Variants in CSMD1 observed in about 807,000 individuals in gnomAD.
CSMD1 encodes CUB and Sushi multiple domains 1.
CSMD1 carries 213 observed loss-of-function variants against 417.5 expected under a neutral mutation model. The ratio of observed to expected loss-of-function variants is 0.51; its 90% CI spans 0.46 to 0.57. The LOEUF (loss-of-function observed/expected upper bound fraction) is 0.57, where lower values mean the gene tolerates loss of function less well. CSMD1 is among the 20% of genes least tolerant of loss of function. CSMD1 has a pLI of 0.00. For missense variants in CSMD1, 6,923 were observed against 4,529.7 expected, an observed-to-expected ratio of 1.53 and a Z score of -15.17; for synonymous variants, 2,862 against 1,736.8, an observed-to-expected ratio of 1.65 and a Z score of -16.11.
rs147113316 is a variant in CSMD1, at chr8:3,367,127, G to T, written c.3020C>A (p.Thr1007Lys). ...GTTTCCAAACAGGCCTGCCTTGATC[G>T]TATGAGGCAACACCGACCCGGTGAG... is the stretch of plus-strand genomic sequence containing the variant. The part of the protein sequence containing the change: ...ARLTGSVLPH[T>K]IKAGLFGNFT... Residue 1007 changes from threonine to lysine, a missense_variant, in exon 20 of 70, where the codon ACG (threonine) becomes AAG (lysine). Physicochemically the swap from Thr to Lys is moderately conservative, Grantham distance 78. Transcript: ENST00000635120. 6.2e-7 allele frequency: 1 copy of T among 1,613,606 alleles called. No homozygotes were observed. The highest frequency in any genetic ancestry group is 1.3e-5 in the African/African-American group (1 of 74,934).
At chr8:3,339,309 C>A (rs1274727066) in intron 23 of CSMD1, among the ~76,000 whole-genome samples, 1 of 152,102 alleles carries the variant, frequency 6.6e-6, no homozygotes, top group African/African-American at 2.4e-5. Flanking sequence ...CTTCAAGCCT[C>A]TGTTTGCAGA....
chr8:3,537,419 C>A (rs114435426), intron 10 of CSMD1, among the ~76,000 whole-genome samples: 488 of 152,260 alleles, frequency 3.2e-3, no homozygotes, highest in African/African-American at 0.011. Context: ...AATACTACAC[C>A]TGTTGCATTC....
chr8:3,682,757 G>T (rs1218536104), intron 7 of CSMD1, among the ~76,000 whole-genome samples: 1 of 152,156 alleles, frequency 6.6e-6, no homozygotes, highest in Non-Finnish European at 1.5e-5. Flanking sequence ...GTTTATTGCG[G>T]CACTATTCAC....
intron 6 of CSMD1, among the ~76,000 whole-genome samples, chr8:3,724,510 T>C (rs950274229): frequency 2.0e-5 from 3 of 152,112 alleles, no homozygotes; most frequent in Admixed American, 6.6e-5. Flanking sequence ...TGAAGCTGTT[T>C]GGGATTTTCA....
intron 1 of CSMD1, among the ~76,000 whole-genome samples, chr8:4,739,768 G>C (rs549175559): frequency 6.6e-6 from 1 of 152,242 alleles, no homozygotes; most frequent in South Asian, 2.1e-4. Context: ...AGATTCTCCA[G>C]TCCCTCTCTT....
intron 12 of CSMD1, among the ~76,000 whole-genome samples, chr8:3,462,081 G>C (rs1816539960): frequency 6.6e-6 from 1 of 150,838 alleles, no homozygotes; most frequent in Non-Finnish European, 1.5e-5. Context: ...GGCTGTATTT[G>C]ATCCCAAGGG....
intron 41 of CSMD1, among the ~76,000 whole-genome samples, chr8:3,125,803 C>T (rs369302300): frequency 6.6e-6 from 1 of 152,102 alleles, no homozygotes; most frequent in Non-Finnish European, 1.5e-5. Flanking sequence ...ATGGTGAAAT[C>T]CTATCTCTAC....
intron 26 of CSMD1, among the ~76,000 whole-genome samples, chr8:3,262,797 A>G (rs1801177394): frequency 6.6e-6 from 1 of 152,216 alleles, no homozygotes; most frequent in African/African-American, 2.4e-5. Flanking sequence ...ACATGCCATA[A>G]TGTATACCTA....
At chr8:4,906,352 G>C (rs1409238748) in intron 1 of CSMD1, among the ~76,000 whole-genome samples, 2 of 152,084 alleles carry the variant, frequency 1.3e-5, no homozygotes, top group Non-Finnish European at 2.9e-5. Flanking sequence ...ACACATTCTT[G>C]CATACAACTT....
chr8:4,832,079 C>A (rs1800188483), intron 1 of CSMD1, among the ~76,000 whole-genome samples: 1 of 152,200 alleles, frequency 6.6e-6, no homozygotes, highest in Admixed American at 6.5e-5. Context: ...AAGCTTCTAT[C>A]TACCCTTCTC....
At chr8:3,857,783 G>A (rs183103855) in intron 5 of CSMD1, among the ~76,000 whole-genome samples, 1 of 152,154 alleles carries the variant, frequency 6.6e-6, no homozygotes, top group South Asian at 2.1e-4. Context: ...GATGCAATGG[G>A]GGAAAAGGAT....
At chr8:3,961,039 GA>G (rs1812290957) in intron 5 of CSMD1, among the ~76,000 whole-genome samples, 1 of 151,838 alleles carries the variant, frequency 6.6e-6, no homozygotes, top group African/African-American at 2.4e-5. Context: ...TAAAAAAGAG[GA>G]AAAGATAATT....
intron 1 of CSMD1, among the ~76,000 whole-genome samples, chr8:4,992,129 A>G (rs976093575): frequency 2.0e-4 from 30 of 152,180 alleles, no homozygotes; most frequent in African/African-American, 7.2e-4. Context: ...GCTGCCCCGC[A>G]GGGCCCGAGG....
At chr8:3,431,743 A>G (rs1379567828) in intron 12 of CSMD1, among the ~76,000 whole-genome samples, 1 of 152,188 alleles carries the variant, frequency 6.6e-6, no homozygotes, top group Non-Finnish European at 1.5e-5. Flanking sequence ...CTTTTGCTCT[A>G]TCTACAACGA....
intron 38 of CSMD1, 66 bp from the exon 39 acceptor site, chr8:3,158,032 T>A (rs1341242806): frequency 9.1e-6 from 11 of 1,212,956 alleles, no homozygotes; most frequent in Non-Finnish European, 1.2e-5. Flanking sequence ...ATTAAATGTT[T>A]GAGAATATCT....
rs116145569 is a variant in CSMD1, at chr8:4,966,085, C to T, written c.85+28247G>A. Among the ~76,000 whole-genome samples the T allele has an allele frequency of 3.7e-3, 554 of 151,756 alleles. 3 individuals are homozygous for T. Among genetic ancestry groups the T allele is most frequent in the African/African-American group, 0.012 (511 of 41,406 alleles). On this transcript the variant is annotated intron_variant, in intron 1 of 69. Coordinates refer to ENST00000635120, the MANE Select transcript of CSMD1 (RefSeq NM_033225.6). ...TACTCGAATTGAAAGAGTTCCAGGC[C>T]GGGTGTGATGGCTCACTTCTGTAAT...
In CSMD1 at chr8:4,098,481, G is replaced by T. The variant is rs867657473; in HGVS notation, c.416-66382C>A. Reference sequence around the variant, plus strand: ...ATTGTTCCATGTTGGAAGTTGTCTAGCTCCTGTGTTTTAGTTTTAGGCCAG... The same window carrying T: ...ATTGTTCCATGTTGGAAGTTGTCTATCTCCTGTGTTTTAGTTTTAGGCCAG... On this transcript the variant is annotated intron_variant, in intron 3 of 69. Coordinates refer to ENST00000635120, the MANE Select transcript of CSMD1 (RefSeq NM_033225.6). 5.9e-5 allele frequency among the ~76,000 whole-genome samples: 9 copies of T among 151,962 alleles called. 1 individual carries two copies. In the South Asian group the frequency reaches 8.3e-4, roughly 14 times the overall value.
At chr8:3,933,297 A>T (rs1264235084) in intron 5 of CSMD1, among the ~76,000 whole-genome samples, 1 of 152,192 alleles carries the variant, frequency 6.6e-6, no homozygotes, top group African/African-American at 2.4e-5. Flanking sequence ...TCACTTTAAA[A>T]TATATTTATT....
At chr8:3,634,965 C>G (rs1350447442) in intron 7 of CSMD1, among the ~76,000 whole-genome samples, 2 of 151,924 alleles carry the variant, frequency 1.3e-5, no homozygotes, top group African/African-American at 2.4e-5. Context: ...ATAATGCAGG[C>G]AACTCTAACA....
Sources: allele counts gnomAD v4.1 joint callset (sites outside exome capture counted in the v4.1 genomes callset), GRCh38; gene constraint gnomAD v4.1.1; transcripts MANE v1.5; gene names NCBI Gene and HGNC (gene_info 2026-07-23, HGNC 2026-07-21).